TLE1: variants seen among roughly 807,000 people sequenced by gnomAD.
TLE1 encodes TLE family member 1, transcriptional corepressor.
Under a neutral mutation model 89.8 loss-of-function variants are expected in TLE1, and 21 were observed. The observed-to-expected ratio is 0.23, with a 90% CI of 0.17 to 0.34. TLE1 has a LOEUF of 0.34. TLE1 is among the 10% of genes least tolerant of loss of function. The pLI, the probability that TLE1 is intolerant of heterozygous loss-of-function variation, is 1.00. For synonymous variants in TLE1, 447 were observed against 407.6 expected, an observed-to-expected ratio of 1.10 and a Z score of -1.16; for missense variants, 795 against 1,031.2, an observed-to-expected ratio of 0.77 and a Z score of 3.14.
In TLE1 at chr9:81,600,374, A is replaced by T. The variant is rs534901598; in HGVS notation, c.1332-7100T>A. ...ATTATTATAGCTAAACACAACTGAC[A>T]TCAAAAGGAAGGTCCTCCCAGCTAC... On this transcript the variant is annotated intron_variant, in intron 14 of 19. Coordinates refer to ENST00000376499, the MANE Select transcript of TLE1 (RefSeq NM_005077.5). Among the ~76,000 whole-genome samples, 5 of 152,238 alleles carry T rather than the reference A, an allele frequency of 3.3e-5. No homozygotes were observed. The South Asian group carries it at 1.0e-3, about 32-fold the overall frequency.
At chr9:81,666,635 C>T (rs1294639739) in intron 4 of TLE1, among the ~76,000 whole-genome samples, 2 of 151,692 alleles carry the variant, frequency 1.3e-5, no homozygotes, top group Admixed American at 6.6e-5. Flanking sequence ...ATTAGCCAGG[C>T]GTGGTGGTGC....
intron 6 of TLE1, among the ~76,000 whole-genome samples, chr9:81,635,869 T>A (rs1470207259): frequency 3.3e-5 from 5 of 152,130 alleles, no homozygotes; most frequent in Non-Finnish European, 2.9e-5. Context: ...CTAAAAATGT[T>A]TAGGGTCAGG....
intron 6 of TLE1, among the ~76,000 whole-genome samples, chr9:81,646,712 A>G (rs1173145637): frequency 1.3e-5 from 2 of 152,126 alleles, no homozygotes; most frequent in Non-Finnish European, 2.9e-5. Context: ...CTTTAGGTCT[A>G]CAACTCAATC....
intron 4 of TLE1, among the ~76,000 whole-genome samples, chr9:81,677,464 C>G (rs1564074107): frequency 6.7e-6 from 1 of 148,338 alleles, no homozygotes; most frequent in African/African-American, 2.5e-5. Context: ...ACTCAGCAGG[C>G]TGAGGCAGGA....
At chr9:81,683,836 T>C (rs1390323657) in intron 4 of TLE1, among the ~76,000 whole-genome samples, 2 of 152,084 alleles carry the variant, frequency 1.3e-5, no homozygotes, top group East Asian at 3.9e-4. Flanking sequence ...CCTCACTCTG[T>C]ATAGAAACTC....
At chr9:81,598,196 T>TTG in intron 14 of TLE1, among the ~76,000 whole-genome samples, 1 of 152,292 alleles carries the variant, frequency 6.6e-6, no homozygotes, top group African/African-American at 2.4e-5. Context: ...CCCTTTACAA[T>TTG]TTAGTGCCAA....
Position 81,610,617 on chromosome 9 carries a change from C to T in TLE1, c.1255-321G>A, listed in dbSNP as rs528006703. 1.6e-4 allele frequency among the ~76,000 whole-genome samples: 25 copies of T among 152,256 alleles called. No individual in the cohort carries two copies. The East Asian group carries it at 4.8e-3, about 29-fold the overall frequency. On this transcript the variant is annotated intron_variant, in intron 13 of 19. Coordinates refer to ENST00000376499, the MANE Select transcript of TLE1 (RefSeq NM_005077.5). ...GTATGTTGTATTAGGATTTCTCAAC[C>T]TCAGCACTATTGACATTTGGGGCCA... is the stretch of plus-strand genomic sequence containing the variant.
chr9:81,665,065 A>T (rs996213641), intron 4 of TLE1, among the ~76,000 whole-genome samples: 1 of 152,232 alleles, frequency 6.6e-6, no homozygotes, highest in Non-Finnish European at 1.5e-5. Context: ...GCCTAAGATC[A>T]GAACAAGACA....
chr9:81,632,189 G>C (rs989282196), intron 8 of TLE1, among the ~76,000 whole-genome samples: 4 of 151,998 alleles, frequency 2.6e-5, no homozygotes, highest in African/African-American at 9.7e-5. Context: ...TCTGTGTGTA[G>C]AATATTTTAT....
intron 14 of TLE1, among the ~76,000 whole-genome samples, chr9:81,599,527 G>C (rs910424482): frequency 1.3e-5 from 2 of 152,130 alleles, no homozygotes; most frequent in Non-Finnish European, 2.9e-5. Flanking sequence ...GATACTCTTA[G>C]CCTGAAAACT....
At chr9:81,613,305 A>G in intron 12 of TLE1, 72 bp downstream of exon 12, 1 of 1,579,210 alleles carries the variant, frequency 6.3e-7, no homozygotes, top group Non-Finnish European at 8.6e-7. Context: ...TTGCGTCACA[A>G]CATTAACAGA....
Position 81,589,217 on chromosome 9 carries a change from G to C in TLE1, c.1830-1389C>G, listed in dbSNP as rs1486794742. Among the ~76,000 whole-genome samples, 3 of 152,068 alleles carry C rather than the reference G, an allele frequency of 2.0e-5. No homozygotes were observed. In the East Asian group the frequency reaches 5.8e-4, roughly 29 times the overall value. On this transcript the variant is annotated intron_variant, in intron 16 of 19. Transcript: ENST00000376499. ...ATCCAGTGACCCTCTGACTTCTTTT[G>C]ACCTTTCTAACTCATGAAACGCTGT...
chr9:81,610,249 T>G lies in TLE1; in HGVS notation c.1302A>C (p.Pro434=). 1 of 1,614,050 alleles carries G rather than the reference T, an allele frequency of 6.2e-7. No homozygotes were observed. Among genetic ancestry groups the G allele is most frequent in the Non-Finnish European group, 8.5e-7 (1 of 1,180,006 alleles). ...PPHMRVPTIP[P]NLAGIPGGKP... ...TCCCCCCAGGGATTCCTGCCAGGTT[T>G]GGAGGAATGGTAGGTACTCTCATGT... The change falls in exon 14 of 20, where the codon CCA becomes CCC. Residue 434 remains proline, a synonymous_variant. Coordinates refer to ENST00000376499, the MANE Select transcript of TLE1 (RefSeq NM_005077.5).
intron 6 of TLE1, among the ~76,000 whole-genome samples, chr9:81,649,668 AAC>A (rs1308471497): frequency 1.3e-5 from 2 of 152,128 alleles, no homozygotes; most frequent in African/African-American, 4.8e-5. Flanking sequence ...TCGGCCCCTG[AAC>A]AATACTGACA....
intron 8 of TLE1, among the ~76,000 whole-genome samples, chr9:81,621,962 A>G (rs1825316272): frequency 6.6e-6 from 1 of 152,240 alleles, no homozygotes; most frequent in Non-Finnish European, 1.5e-5. Flanking sequence ...AATTCAATAT[A>G]GAGAAGCTCT....
intron 4 of TLE1, among the ~76,000 whole-genome samples, chr9:81,680,723 T>G (rs2133103454): frequency 6.6e-6 from 1 of 152,094 alleles, no homozygotes; most frequent in East Asian, 1.9e-4. Context: ...TAACTTATGC[T>G]TGCAAAGAAC....
intron 14 of TLE1, 23 bp from the exon 15 acceptor site, chr9:81,593,297 G>GAA (rs1245443663): frequency 6.3e-7 from 1 of 1,591,548 alleles, no homozygotes; most frequent in Non-Finnish European, 8.6e-7. Flanking sequence ...CGATTGGAGA[G>GAA]AAGACAGAAA....
At chr9:81,657,004 T>C (rs1177320454) in intron 4 of TLE1, among the ~76,000 whole-genome samples, 1 of 152,216 alleles carries the variant, frequency 6.6e-6, no homozygotes, top group Non-Finnish European at 1.5e-5. Context: ...AGTGTCAATA[T>C]TGAGTTTTGT....
chr9:81,628,390 C>T (rs1826158788), intron 8 of TLE1, among the ~76,000 whole-genome samples: 1 of 152,320 alleles, frequency 6.6e-6, no homozygotes, highest in East Asian at 1.9e-4. Flanking sequence ...ACCCCTGATG[C>T]CGCCATGGTT....
Sources: gnomAD v4.1 joint callset for allele counts (sites outside exome capture counted in the v4.1 genomes callset) on GRCh38, gnomAD v4.1.1 for gene constraint, MANE v1.5 for transcripts, NCBI Gene and HGNC (gene_info 2026-07-23, HGNC 2026-07-21) for gene names.